Variants in SLC6A15 observed in about 807,000 individuals in gnomAD.
SLC6A15 encodes sodium-dependent neutral amino acid transporter B(0)AT2.
A neutral mutation model predicts 68.5 loss-of-function variants in SLC6A15; 33 were observed. The ratio of observed to expected loss-of-function variants is 0.48; its 90% CI spans 0.37 to 0.64. The LOEUF is 0.64. SLC6A15 is among the 30% of genes least tolerant of loss of function. SLC6A15 has a pLI of 0.00. For missense variants in SLC6A15, 747 were observed against 874.3 expected, an observed-to-expected ratio of 0.85 and a Z score of 1.84; for synonymous variants, 347 against 301.0, an observed-to-expected ratio of 1.15 and a Z score of -1.58.
intron 1 of SLC6A15, among the ~76,000 whole-genome samples, chr12:84,909,526 G>C (rs1221065967): frequency 6.6e-6 from 1 of 152,144 alleles, no homozygotes. Flanking sequence ...GATAAGCAAA[G>C]TAGAAATAAA....
chr12:84,886,205 C>T (rs76335379), intron 2 of SLC6A15, 137 bp from the exon 3 acceptor site: 8,015 of 464,254 alleles, frequency 0.017, 490 homozygotes, highest in African/African-American at 0.14. Flanking sequence ...GACACAATTT[C>T]ATTACTTTGC....
intron 1 of SLC6A15, among the ~76,000 whole-genome samples, chr12:84,910,601 T>A (rs916946163): frequency 2.6e-5 from 4 of 152,152 alleles, no homozygotes; most frequent in African/African-American, 9.7e-5. Context: ...GTGAGAAACA[T>A]CCCGTCTAAC....
chr12:84,898,998 A>C (rs536953195), intron 1 of SLC6A15, among the ~76,000 whole-genome samples: 1 of 152,314 alleles, frequency 6.6e-6, no homozygotes, highest in Non-Finnish European at 1.5e-5. Flanking sequence ...AGTTCCAAGA[A>C]GGTGTTCTAA....
intron 1 of SLC6A15, among the ~76,000 whole-genome samples, chr12:84,902,542 T>C (rs1249122930): frequency 2.0e-5 from 3 of 151,930 alleles, no homozygotes; most frequent in Non-Finnish European, 4.4e-5. Context: ...ACAAAACTTG[T>C]ACACAAATGT....
intron 1 of SLC6A15, among the ~76,000 whole-genome samples, chr12:84,903,947 T>G (rs1433173251): frequency 6.6e-6 from 1 of 152,198 alleles, no homozygotes; most frequent in Admixed American, 6.5e-5. Context: ...TATGTTTTAT[T>G]TGTTCATACA....
chr12:84,911,418 C>A (rs2120761264), intron 1 of SLC6A15, among the ~76,000 whole-genome samples: 1 of 152,296 alleles, frequency 6.6e-6, no homozygotes, highest in African/African-American at 2.4e-5. Flanking sequence ...CCAAACACTG[C>A]TTACGTCACT....
chr12:84,905,128 A>C (rs886446421), intron 1 of SLC6A15, among the ~76,000 whole-genome samples: 1 of 152,188 alleles, frequency 6.6e-6, no homozygotes, highest in Non-Finnish European at 1.5e-5. Flanking sequence ...AAAACTACAG[A>C]TCAATATTCC....
At chr12:84,868,264 C>T (rs1871141877) in intron 9 of SLC6A15, among the ~76,000 whole-genome samples, 1 of 152,128 alleles carries the variant, frequency 6.6e-6, no homozygotes, top group Non-Finnish European at 1.5e-5. Flanking sequence ...TACTTGGATT[C>T]TACTGCATAT....
intron 1 of SLC6A15, among the ~76,000 whole-genome samples, chr12:84,905,586 C>G (rs1873104250): frequency 6.6e-6 from 1 of 152,150 alleles, no homozygotes; most frequent in East Asian, 1.9e-4. Context: ...ATACAGTCAG[C>G]CCTTAGTGTC....
At chr12:84,875,682 ATATATATATATATATAT>A in intron 6 of SLC6A15, among the ~76,000 whole-genome samples, 1 of 542 alleles carries the variant, frequency 1.8e-3, no homozygotes, top group African/African-American at 7.2e-3. Context: ...ATATATATAT[ATATATATATATATATAT>A]GAGAATCAAA....
rs149254147 is a variant in SLC6A15, at chr12:84,861,932, G to A, written c.1893C>T (p.Leu631=). Residue 631 remains leucine (L), a synonymous_variant, in exon 12 of 12, where the codon CTC becomes CTT. Transcript: ENST00000266682. ...GAACAATGAAAACTACAGGGACTGG[G>A]AGTATTGCAAAGACAACCAGAGAGA... ...VCVSLVVFAI[L]PVPVVFIVRR... The A allele has an allele frequency of 1.5e-5, 25 of 1,613,928 alleles. No individual in the cohort carries two copies. The highest frequency in any genetic ancestry group is 1.2e-4 in the African/African-American group (9 of 75,030).
At chr12:84,875,062 T>C (rs575180467) in intron 6 of SLC6A15, among the ~76,000 whole-genome samples, 3 of 152,314 alleles carry the variant, frequency 2.0e-5, no homozygotes, top group African/African-American at 7.2e-5. Context: ...TTATTACATA[T>C]AAGCATTTAA....
In SLC6A15 at chr12:84,863,645, G is replaced by A. The variant is rs749468953; in HGVS notation, c.1656-44C>T. The A allele has an allele frequency of 4.0e-5, 54 of 1,364,406 alleles. No homozygotes were observed. The South Asian group carries it at 8.3e-4, about 21-fold the overall frequency. 84.5% of individuals were successfully genotyped at this position (1,364,406 alleles called of 1,614,324 possible). A position where few individuals can be genotyped will look rare whatever the true frequency, so the allele number is the denominator to read the frequency against. On this transcript the variant is annotated intron_variant, in intron 10 of 11. Transcript: ENST00000266682. The stretch of plus-strand genomic sequence containing the variant: ...TTTAATTATTCCTTAATTTAATATT[G>A]CTAAACCTTAAAAAATGTGCATTAT...
chr12:84,891,578 A>G (rs1872392902), intron 2 of SLC6A15, among the ~76,000 whole-genome samples: 1 of 152,168 alleles, frequency 6.6e-6, no homozygotes, highest in Non-Finnish European at 1.5e-5. Flanking sequence ...TTGTTTAATA[A>G]GCTTCCGGAG....
intron 4 of SLC6A15, 29 bp downstream of exon 4, chr12:84,885,406 A>G: frequency 1.9e-6 from 3 of 1,560,340 alleles, no homozygotes; most frequent in Non-Finnish European, 2.6e-6. Flanking sequence ...ATGCTTAAAT[A>G]CCAAAACACT....
intron 2 of SLC6A15, among the ~76,000 whole-genome samples, chr12:84,889,490 T>C (rs919942978): frequency 1.6e-5 from 2 of 126,036 alleles, no homozygotes; most frequent in African/African-American, 6.0e-5. Context: ...CAAGACTCGG[T>C]CTCAGAAAAA....
intron 4 of SLC6A15, 139 bp downstream of exon 4, chr12:84,885,296 A>C (rs972486477): frequency 1.1e-5 from 9 of 800,506 alleles, no homozygotes; most frequent in African/African-American, 1.8e-5. Flanking sequence ...TCAATCCTGA[A>C]TGTGAGCAAA....
At chr12:84,890,708 G>A (rs1872348438) in intron 2 of SLC6A15, among the ~76,000 whole-genome samples, 2 of 152,208 alleles carry the variant, frequency 1.3e-5, no homozygotes, top group East Asian at 3.9e-4. Flanking sequence ...TAACATCTTA[G>A]AGTTTCATGT....
intron 6 of SLC6A15, among the ~76,000 whole-genome samples, chr12:84,876,117 G>A (rs1037641275): frequency 1.8e-4 from 27 of 148,362 alleles, no homozygotes; most frequent in Admixed American, 3.4e-4. Context: ...AAAAATCCTC[G>A]TCACTTTTTC....
Sources: gnomAD v4.1 joint callset for allele counts (sites outside exome capture counted in the v4.1 genomes callset) on GRCh38, gnomAD v4.1.1 for gene constraint, MANE v1.5 for transcripts, NCBI Gene and HGNC (gene_info 2026-07-23, HGNC 2026-07-21) for gene names.